NUP205: variants seen among roughly 807,000 people sequenced by gnomAD.
The protein encoded by NUP205 is nucleoporin 205, also known as nuclear pore complex protein Nup205.
A neutral mutation model predicts 253.8 loss-of-function variants in NUP205; 76 were observed. The observed-to-expected ratio is 0.30, with a 90% CI of 0.25 to 0.36. NUP205 has a LOEUF of 0.36. Among genes scored for constraint, NUP205 ranks in the 10% least tolerant of loss-of-function variants. NUP205 has a pLI of 1.00. For missense variants in NUP205, 2,162 were observed against 2,425.5 expected (o/e 0.89, Z 2.28); for synonymous variants, 832 against 850.1 (o/e 0.98, Z 0.37).
intron 15 of NUP205, 48 bp from the exon 16 acceptor site, chr7:135,600,822 C>G: frequency 9.0e-7 from 1 of 1,110,522 alleles, no homozygotes; most frequent in Non-Finnish European, 1.3e-6. Flanking sequence ...GCAAGGCCAC[C>G]ACCTTGGTCT....
At chr7:135,570,855 T>TAC in intron 1 of NUP205, among the ~76,000 whole-genome samples, 2 of 69,074 alleles carry the variant, frequency 2.9e-5, no homozygotes, top group African/African-American at 1.0e-4. Context: ...TTACATATAT[T>TAC]ATATATAAAT....
rs374630365 is a variant in NUP205, at chr7:135,618,631, C to G, written c.3963+28C>G. 3 of 1,497,630 alleles carry G rather than the reference C, an allele frequency of 2.0e-6. No homozygotes were observed. The African/African-American group carries it at 4.2e-5, about 21-fold the overall frequency. 92.8% of individuals were successfully genotyped at this position (1,497,630 alleles called of 1,614,324 possible). A position where few individuals can be genotyped will look rare whatever the true frequency, so the allele number is the denominator to read the frequency against. ...GACGTACTTCCTAAAATACTTTATA[C>G]TGCTGAACGAATGTATCATTTAAAC... On this transcript the variant is annotated intron_variant, in intron 28 of 42. Transcript: ENST00000285968.
intron 22 of NUP205, among the ~76,000 whole-genome samples, chr7:135,613,410 C>A (rs1262161760): frequency 6.6e-6 from 1 of 151,478 alleles, no homozygotes; most frequent in Non-Finnish European, 1.5e-5. Flanking sequence ...ATTTATGGAT[C>A]TTCTTTGTAA....
chr7:135,614,236 A>G lies in NUP205; in HGVS notation c.3273A>G (p.Leu1091=), dbSNP rs1029786685. Residue 1091 remains leucine, a synonymous_variant, in exon 23 of 43, where the codon TTA becomes TTG. Transcript: ENST00000285968. Reference sequence around the variant, plus strand: ...ACTTGAGAACCAGCCAGGATTTCTTATTTTCCCAGTTGCAGTATCTACCAT... The same window carrying G: ...ACTTGAGAACCAGCCAGGATTTCTTGTTTTCCCAGTTGCAGTATCTACCAT... ...MRYLRTSQDF[L]FSQLQYLPFS... The G allele has an allele frequency of 6.2e-7, 1 of 1,610,666 alleles. No individual in the cohort carries two copies. The highest frequency in any genetic ancestry group is 8.5e-7 in the Non-Finnish European group (1 of 1,177,058).
chr7:135,608,500 G>C (rs902834684), intron 22 of NUP205, among the ~76,000 whole-genome samples: 2 of 151,494 alleles, frequency 1.3e-5, no homozygotes, highest in Non-Finnish European at 2.9e-5. Context: ...TTGAGGCCAG[G>C]AGTTGGAGAC....
intron 7 of NUP205, among the ~76,000 whole-genome samples, chr7:135,581,059 A>G (rs1006374404): frequency 3.9e-5 from 6 of 152,156 alleles, no homozygotes; most frequent in Non-Finnish European, 5.9e-5. Context: ...TAAACTATAA[A>G]AATTTTTCTG....
At chr7:135,610,429 A>G (rs1049336316) in intron 22 of NUP205, among the ~76,000 whole-genome samples, 3 of 152,326 alleles carry the variant, frequency 2.0e-5, no homozygotes, top group East Asian at 3.9e-4. Context: ...CATGTTGTCC[A>G]GGCTGGTCTC....
chr7:135,642,332 T>C (rs1794929084), intron 38 of NUP205, among the ~76,000 whole-genome samples: 1 of 151,874 alleles, frequency 6.6e-6, no homozygotes, highest in South Asian at 2.1e-4. Flanking sequence ...CTAATTGCAC[T>C]ACACAGACTA....
At chr7:135,575,793 A>C (rs528165040) in intron 3 of NUP205, among the ~76,000 whole-genome samples, 1 of 152,330 alleles carries the variant, frequency 6.6e-6, no homozygotes, top group East Asian at 1.9e-4. Context: ...CCATCTCAAA[A>C]AAAAAGGTAG....
At chr7:135,572,524 C>G (rs80088946) in intron 2 of NUP205, among the ~76,000 whole-genome samples, 4,251 of 152,236 alleles carry the variant, frequency 0.028, 103 homozygotes, top group South Asian at 0.11. Context: ...GGGATTCAAA[C>G]TTGGAAAATG....
intron 7 of NUP205, among the ~76,000 whole-genome samples, chr7:135,583,487 C>T (rs1446741473): frequency 6.6e-6 from 1 of 152,062 alleles, no homozygotes. Flanking sequence ...TGGCCAGGCG[C>T]AGTGACTCAC....
chr7:135,587,777 T>C (rs1466592639), intron 9 of NUP205, 78 bp from the exon 10 acceptor site: 1 of 1,541,622 alleles, frequency 6.5e-7, no homozygotes, highest in Non-Finnish European at 8.8e-7. Context: ...GGTGTAATAC[T>C]TTAAATGTCC....
chr7:135,566,539 C>T (rs1805764871), intron 1 of NUP205, among the ~76,000 whole-genome samples: 1 of 152,112 alleles, frequency 6.6e-6, no homozygotes. Flanking sequence ...AGAAGCAAAG[C>T]AGGGAATTGG....
rs750197934 is a variant in NUP205 at position 135,598,070 on chromosome 7, A to G, written c.2137A>G (p.Thr713Ala). Residue 713 changes from threonine to alanine, a missense_variant, in exon 15 of 43, where the codon ACT becomes GCT. Physicochemically the swap from Thr to Ala is moderately conservative, Grantham distance 58. This residue lies in a region of NUP205 where 892 missense variants were observed against 957.1 expected (regional missense o/e 0.93). Transcript: ENST00000285968. ...LTRAFCQLIS[T>A]LVESSFPSNL... The stretch of plus-strand genomic sequence containing the variant: ...TCGGGCCTTTTGCCAGCTTATTAGT[A>G]CTCTGGTGGAGAGCTCATTTCCTTC... 3 of 1,613,816 alleles carry G rather than the reference A, an allele frequency of 1.9e-6. No homozygotes were observed. Among genetic ancestry groups the G allele is most frequent in the Admixed American group, 1.7e-5 (1 of 59,970 alleles).
Position 135,601,484 on chromosome 7 carries a change from T to C in NUP205, c.2489T>C (p.Leu830Pro). 6.2e-7 allele frequency: 1 copy of C among 1,613,808 alleles called. No homozygotes were observed. Among genetic ancestry groups the C allele is most frequent in the Non-Finnish European group, 8.5e-7 (1 of 1,179,840 alleles). Residue 830 changes from leucine to proline, a missense_variant, in exon 17 of 43, where the codon CTT becomes CCT. Physicochemically the swap from Leu to Pro is moderately conservative, Grantham distance 98. This residue lies in a region of NUP205 where 892 missense variants were observed against 957.1 expected (regional missense o/e 0.93). Coordinates refer to ENST00000285968, the MANE Select transcript of NUP205 (RefSeq NM_015135.3). ...LSLLEEGVKQ[L>P]DTYAPFPGKK... ...TTACTGGAAGAAGGAGTTAAGCAGC[T>C]TGACACCTATGCCCCCTTTCCTGGT...
At position 135,622,868 on chromosome 7, in the gene NUP205, C is replaced by T. The variant is rs144174512; in HGVS notation, c.4422C>T (p.Gly1474=). 18 of 1,613,856 alleles carry T rather than the reference C, an allele frequency of 1.1e-5. No individual in the cohort carries two copies. The highest frequency in any genetic ancestry group is 9.4e-5 in the African/African-American group (7 of 74,860). The part of the protein sequence containing the change: ...RENIAIIESY[G]AALMEVVCRD... ...ACATAGCCATTATTGAAAGTTATGG[C>T]GCCGCCCTCATGGAAGTGGTCTGTC... The change falls in exon 31 of 43, where the codon GGC becomes GGT. Residue 1474 remains glycine (G), a synonymous_variant. Transcript: ENST00000285968.
chr7:135,596,447 C>G (rs1156504648), intron 13 of NUP205, among the ~76,000 whole-genome samples: 5 of 152,108 alleles, frequency 3.3e-5, no homozygotes, highest in Non-Finnish European at 5.9e-5. Flanking sequence ...CACCTGAAAT[C>G]AAATGTGATT....
chr7:135,600,783 A>C (rs1356700641), intron 15 of NUP205, 87 bp from the exon 16 acceptor site: 1 of 651,634 alleles, frequency 1.5e-6, no homozygotes, highest in Non-Finnish European at 2.6e-6. Flanking sequence ...CATTTTCTGG[A>C]AAAAGAAGTG....
At chr7:135,590,725 G>T (rs1306741810) in intron 10 of NUP205, among the ~76,000 whole-genome samples, 3 of 151,492 alleles carry the variant, frequency 2.0e-5, no homozygotes, top group African/African-American at 7.3e-5. Context: ...TAGAGACGGG[G>T]TTTCACCATG....
Sources: gnomAD v4.1 joint callset for allele counts (sites outside exome capture counted in the v4.1 genomes callset) on GRCh38, gnomAD v4.1.1 for gene constraint, gnomAD v4.1.1 regional missense constraint, MANE v1.5 for transcripts, NCBI Gene and HGNC (gene_info 2026-07-23, HGNC 2026-07-21) for gene names.